The following CAST variants were observed in gnomAD, a reference collection of about 807,000 sequenced individuals.
CAST encodes the protein MIR583 host.
A neutral mutation model predicts 119.6 loss-of-function variants in CAST; 76 were observed. That is an observed-to-expected ratio of 0.64 (90% CI 0.53 to 0.77). The LOEUF (loss-of-function observed/expected upper bound fraction) is 0.77, where lower values mean the gene tolerates loss of function less well. Among genes scored for constraint, CAST ranks in the 30% least tolerant of loss-of-function variants. The pLI, the probability that CAST is intolerant of heterozygous loss-of-function variation, is 0.00. For synonymous variants in CAST, 319 were observed against 331.6 expected (o/e 0.96, Z 0.41); for missense variants, 953 against 946.5 (o/e 1.01, Z -0.09).
chr5:96,474,303 G>C, the CAST span, among the ~76,000 whole-genome samples: 49 of 152,130 alleles, frequency 3.2e-4, no homozygotes, highest in African/African-American at 1.1e-3. Context: ...ACCACACACA[G>C]AACACCACTG....
chr5:96,039,733 T>G, the CAST span, among the ~76,000 whole-genome samples: 2 of 152,240 alleles, frequency 1.3e-5, no homozygotes, highest in Non-Finnish European at 2.9e-5. Context: ...TTGGTTTATA[T>G]ATCTGTTTTG....
At chr5:96,484,930 C>A in the CAST span, among the ~76,000 whole-genome samples, 1 of 152,172 alleles carries the variant, frequency 6.6e-6, no homozygotes, top group Admixed American at 6.6e-5. Flanking sequence ...TCACTCCCAT[C>A]AATAGCTACA....
the CAST span, among the ~76,000 whole-genome samples, chr5:96,490,858 G>A: frequency 1.3e-5 from 2 of 151,698 alleles, no homozygotes; most frequent in East Asian, 1.9e-4. Flanking sequence ...GGATACAAAA[G>A]GTACCAGAAA....
the CAST span, among the ~76,000 whole-genome samples, chr5:96,453,865 A>T: frequency 0.031 from 4,776 of 152,124 alleles, 224 homozygotes; most frequent in African/African-American, 0.1. Context: ...CATATTTGTT[A>T]CTCCATATTA....
the CAST span, among the ~76,000 whole-genome samples, chr5:96,158,355 A>T: frequency 1.3e-5 from 2 of 152,258 alleles, no homozygotes; most frequent in Admixed American, 6.5e-5. Flanking sequence ...ACAGCCTTTG[A>T]TTGCTTCTTT....
intron 19 of CAST, among the ~76,000 whole-genome samples, chr5:96,750,171 G>A (rs116260525): frequency 3.4e-4 from 52 of 152,238 alleles, no homozygotes; most frequent in African/African-American, 1.2e-3. Flanking sequence ...AGGCATATTT[G>A]TTATACATAA....
intron 9 of CAST, among the ~76,000 whole-genome samples, chr5:96,734,342 A>G (rs1761206988): frequency 6.6e-6 from 1 of 152,204 alleles, no homozygotes; most frequent in Admixed American, 6.5e-5. Flanking sequence ...ATGCAATTGA[A>G]TCCGAGCTGC....
intron 20 of CAST, 149 bp downstream of exon 20, chr5:96,750,831 G>C (rs190757560): frequency 2.1e-6 from 1 of 469,870 alleles, no homozygotes; most frequent in East Asian, 3.4e-5. Flanking sequence ...TTGTTTCTTT[G>C]GGCTTCAGGG....
At chr5:96,570,104 C>T (rs551612348) in intron 1 of CAST, among the ~76,000 whole-genome samples, 1 of 152,152 alleles carries the variant, frequency 6.6e-6, no homozygotes, top group African/African-American at 2.4e-5. Context: ...TTCACAGCAC[C>T]GTGGTTGAGA....
At chr5:96,563,166 T>C (rs1417686309) in intron 1 of CAST, among the ~76,000 whole-genome samples, 2 of 152,236 alleles carry the variant, frequency 1.3e-5, no homozygotes, top group Non-Finnish European at 2.9e-5. Context: ...TGCCCCATTA[T>C]AGTTCTTCAT....
At chr5:96,312,652 A>C in the CAST span, among the ~76,000 whole-genome samples, 10 of 150,072 alleles carry the variant, frequency 6.7e-5, no homozygotes, top group Admixed American at 3.3e-4. Flanking sequence ...ATAAGAAAGC[A>C]AAAACAGCTG....
chr5:96,390,688 A>G, the CAST span: 4 of 152,646 alleles, frequency 2.6e-5, no homozygotes, highest in African/African-American at 7.2e-5. Flanking sequence ...GCATTGGTAT[A>G]TTATAAATAC....
chr5:96,655,896 G>A (rs1400165913), intron 1 of CAST, among the ~76,000 whole-genome samples: 2 of 152,194 alleles, frequency 1.3e-5, no homozygotes, highest in Non-Finnish European at 2.9e-5. Context: ...GCTGAACAGT[G>A]CACCAGAAAT....
the CAST span, among the ~76,000 whole-genome samples, chr5:96,353,526 C>T: frequency 1.3e-5 from 2 of 152,164 alleles, no homozygotes; most frequent in Non-Finnish European, 1.5e-5. Context: ...GAAGTTGAAT[C>T]TGTAGACTGA....
the CAST span, among the ~76,000 whole-genome samples, chr5:96,420,097 T>C: frequency 6.6e-6 from 1 of 152,170 alleles, no homozygotes; most frequent in Non-Finnish European, 1.5e-5. Context: ...ATGAAAGTTG[T>C]TTCTACTCCA....
At chr5:96,432,478 C>G in the CAST span, among the ~76,000 whole-genome samples, 1 of 152,184 alleles carries the variant, frequency 6.6e-6, no homozygotes. Context: ...GCCTCAGTCC[C>G]GGGGGATGGA....
chr5:96,605,553 G>A (rs978341626), intron 1 of CAST, among the ~76,000 whole-genome samples: 4 of 152,070 alleles, frequency 2.6e-5, no homozygotes, highest in Admixed American at 2.0e-4. Context: ...TTAATTAGAT[G>A]TATAAAACGT....
At chr5:96,102,334 G>T in the CAST span, among the ~76,000 whole-genome samples, 1 of 152,086 alleles carries the variant, frequency 6.6e-6, no homozygotes, top group Non-Finnish European at 1.5e-5. Context: ...GCTCTGGCTG[G>T]CTCTTCTCCG....
At chr5:96,341,758 T>C in the CAST span, among the ~76,000 whole-genome samples, 1 of 152,204 alleles carries the variant, frequency 6.6e-6, no homozygotes. Context: ...GAATTCTAGC[T>C]AGGAACATGA....
Sources: allele counts gnomAD v4.1 joint callset (sites outside exome capture counted in the v4.1 genomes callset), GRCh38; gene constraint gnomAD v4.1.1; transcripts MANE v1.5; gene names NCBI Gene and HGNC (gene_info 2026-07-23, HGNC 2026-07-21).